The following SULT1E1 variants were observed in gnomAD, a reference collection of about 807,000 sequenced individuals.
The protein encoded by SULT1E1 is sulfotransferase family 1E member 1, also known as sulfotransferase 1E1.
SULT1E1 carries 36 observed loss-of-function variants against 33.6 expected under a neutral mutation model. That is an observed-to-expected ratio of 1.07 (90% CI 0.82 to 1.41). The LOEUF (loss-of-function observed/expected upper bound fraction) is 1.41. Among genes scored for constraint, SULT1E1 ranks in the 40% most tolerant of loss-of-function variants. The probability of loss-of-function intolerance (pLI) is 0.00; values close to 1 mark genes in which losing one functional copy is unlikely to be tolerated. For synonymous variants in SULT1E1, 121 were observed against 111.7 expected, an observed-to-expected ratio of 1.08 and a Z score of -0.53; for missense variants, 371 against 345.7, an observed-to-expected ratio of 1.07 and a Z score of -0.58.
chr4:69,827,263 G>T, the SULT1E1 span, among the ~76,000 whole-genome samples: 1 of 152,268 alleles, frequency 6.6e-6, no homozygotes, highest in East Asian at 1.9e-4. Flanking sequence ...CAGCCCGAGA[G>T]TTTGGAGATA....
the SULT1E1 span, among the ~76,000 whole-genome samples, chr4:69,824,041 T>C: frequency 6.6e-6 from 1 of 152,202 alleles, no homozygotes; most frequent in Admixed American, 6.5e-5. Context: ...TTTAGAGTAT[T>C]CACAATCTCT....
At chr4:69,856,136 C>T (rs913930861) in intron 2 of SULT1E1, among the ~76,000 whole-genome samples, 1 of 152,120 alleles carries the variant, frequency 6.6e-6, no homozygotes, top group African/African-American at 2.4e-5. Context: ...AGCCCAGTCT[C>T]TCTTTTTAAT....
intron 6 of SULT1E1, among the ~76,000 whole-genome samples, chr4:69,846,305 C>CAAAA (rs34408656): frequency 3.2e-4 from 34 of 106,870 alleles, no homozygotes; most frequent in African/African-American, 5.3e-4. Flanking sequence ...ACAAAACAAT[C>CAAAA]AAAAAAAAAA....
the SULT1E1 span, among the ~76,000 whole-genome samples, chr4:69,833,911 C>A: frequency 6.6e-6 from 1 of 152,124 alleles, no homozygotes; most frequent in African/African-American, 2.4e-5. Flanking sequence ...AAATTTAAAG[C>A]CAATACTTTC....
chr4:69,846,780 G>C (rs1720985776), intron 6 of SULT1E1, among the ~76,000 whole-genome samples: 1 of 151,634 alleles, frequency 6.6e-6, no homozygotes, highest in Non-Finnish European at 1.5e-5. Context: ...GTTATTGTCA[G>C]ATATTTAAAT....
chr4:69,851,214 C>T (rs1049390353), intron 4 of SULT1E1, among the ~76,000 whole-genome samples: 1 of 151,928 alleles, frequency 6.6e-6, no homozygotes, highest in African/African-American at 2.4e-5. Context: ...AAAATTTTTG[C>T]AATCTACTTA....
At chr4:69,853,761 C>A (rs1423329777) in intron 4 of SULT1E1, among the ~76,000 whole-genome samples, 4 of 152,106 alleles carry the variant, frequency 2.6e-5, no homozygotes. Context: ...GTTATCTGAC[C>A]TATCCTTTTA....
chr4:69,847,866 CAAT>C, intron 5 of SULT1E1, 74 bp from the exon 6 acceptor site: 1 of 790,140 alleles, frequency 1.3e-6, no homozygotes, highest in Non-Finnish European at 2.1e-6. Flanking sequence ...GTTCAAGCAA[CAAT>C]AACAACAAAT....
intron 2 of SULT1E1, 68 bp downstream of exon 2, chr4:69,857,432 C>G: frequency 1.3e-6 from 2 of 1,532,836 alleles, no homozygotes; most frequent in Non-Finnish European, 1.8e-6. Flanking sequence ...GACATGAACA[C>G]CTTAATATTT....
rs571593217 is a variant in SULT1E1, at chr4:69,855,081, A to G, written c.271+220T>C. Among the ~76,000 whole-genome samples, 10 of 152,146 alleles carry G rather than the reference A, an allele frequency of 6.6e-5. No individual in the cohort carries two copies. The South Asian group carries it at 1.0e-3, about 16-fold the overall frequency. ...TATTACTAAACTCTGCTGAAGGCAT[A>G]CAAGAATTGTCCTTATTCACTCTAT... On this transcript the variant is annotated intron_variant, in intron 3 of 7. Coordinates refer to ENST00000226444, the MANE Select transcript of SULT1E1 (RefSeq NM_005420.3).
At chr4:69,843,584 T>G (rs1720920831) in intron 7 of SULT1E1, among the ~76,000 whole-genome samples, 1 of 152,196 alleles carries the variant, frequency 6.6e-6, no homozygotes, top group South Asian at 2.1e-4. Context: ...TATCTGAATA[T>G]CTTACATGCC....
At chr4:69,829,459 T>A in the SULT1E1 span, among the ~76,000 whole-genome samples, 1 of 152,198 alleles carries the variant, frequency 6.6e-6, no homozygotes, top group Non-Finnish European at 1.5e-5. Context: ...GCCCGAACTC[T>A]GGGAATTTTA....
chr4:69,840,915 G>A (rs1259912651), downstream of SULT1E1, among the ~76,000 whole-genome samples: 1 of 151,996 alleles, frequency 6.6e-6, no homozygotes, highest in African/African-American at 2.4e-5. Context: ...GCGTGGTGGC[G>A]GCCGCCTGTA....
At chr4:69,822,604 C>G in the SULT1E1 span, among the ~76,000 whole-genome samples, 8 of 152,260 alleles carry the variant, frequency 5.3e-5, no homozygotes, top group East Asian at 1.5e-3. Flanking sequence ...AGAAAAAGAA[C>G]AGAAAAGGAG....
At chr4:69,856,935 CA>C (rs11464421) in intron 2 of SULT1E1, among the ~76,000 whole-genome samples, 2,082 of 59,122 alleles carry the variant, frequency 0.035, 6 homozygotes, top group African/African-American at 0.13. Context: ...GACTCCGTCT[CA>C]AAAAAAAAAA....
At chr4:69,851,857 A>G (rs1323887820) in intron 4 of SULT1E1, among the ~76,000 whole-genome samples, 6 of 152,172 alleles carry the variant, frequency 3.9e-5, no homozygotes, top group Admixed American at 2.6e-4. Flanking sequence ...CATCATTCTC[A>G]GCAAACTATC....
At chr4:69,850,711 T>C (rs1251038256) in intron 4 of SULT1E1, among the ~76,000 whole-genome samples, 1 of 152,072 alleles carries the variant, frequency 6.6e-6, no homozygotes, top group Non-Finnish European at 1.5e-5. Context: ...TCTTCTTTGT[T>C]CTAGTCTGTC....
chr4:69,842,050 T>C lies in SULT1E1; in HGVS notation c.829A>G (p.Lys277Glu). 4 of 1,610,002 alleles carry C rather than the reference T, an allele frequency of 2.5e-6. No homozygotes were observed. The highest frequency in any genetic ancestry group is 2.5e-6 in the Non-Finnish European group (3 of 1,178,594). Residue 277 changes from lysine to glutamate, a missense_variant, in exon 8 of 8, where the codon AAA becomes GAA. Lys to Glu is a moderately conservative substitution (Grantham distance 56). Coordinates refer to ENST00000226444, the MANE Select transcript of SULT1E1 (RefSeq NM_005420.3). The part of the protein sequence containing the change: ...FTVALNEKFD[K>E]HYEQQMKEST... ...TCCTTCATTTGCTGCTCATAATGTT[T>C]ATCAAATTTTTCATTCAGGGCTACT...
the SULT1E1 span, among the ~76,000 whole-genome samples, chr4:69,823,397 G>T: frequency 1.3e-5 from 2 of 152,244 alleles, no homozygotes; most frequent in African/African-American, 4.8e-5. Flanking sequence ...TCTTTCATTT[G>T]GAGTGTAGCT....
Sources: gnomAD v4.1 joint callset for allele counts (sites outside exome capture counted in the v4.1 genomes callset) on GRCh38, gnomAD v4.1.1 for gene constraint, MANE v1.5 for transcripts, NCBI Gene and HGNC (gene_info 2026-07-23, HGNC 2026-07-21) for gene names.